The following MACROD2 variants were observed in gnomAD, a reference collection of about 807,000 sequenced individuals.
MACROD2 encodes the protein mono-ADP ribosylhydrolase 2.
In MACROD2, 36 loss-of-function variants were observed where a neutral mutation model predicts 70.4. The ratio of observed to expected loss-of-function variants is 0.51; its 90% CI spans 0.39 to 0.68. The LOEUF (loss-of-function observed/expected upper bound fraction) is 0.68, where lower values mean the gene tolerates loss of function less well. Ranked by LOEUF, MACROD2 falls within the 30% of genes least tolerant of loss-of-function variation. The pLI is 0.00. For synonymous variants in MACROD2, 172 were observed against 178.8 expected (o/e 0.96, Z 0.30); for missense variants, 496 against 538.4 (o/e 0.92, Z 0.78).
At chr20:15,015,406 G>C (rs961358074) in intron 5 of MACROD2, among the ~76,000 whole-genome samples, 1 of 151,098 alleles carries the variant, frequency 6.6e-6, no homozygotes, top group Non-Finnish European at 1.5e-5. Flanking sequence ...ACTGTACTGT[G>C]ACTTTTGAGC....
At chr20:15,946,818 C>T (rs1257981296) in intron 12 of MACROD2, among the ~76,000 whole-genome samples, 14 of 152,152 alleles carry the variant, frequency 9.2e-5, no homozygotes, top group Non-Finnish European at 1.9e-4. Context: ...GCACAGGCAC[C>T]GGTCTCTGAG....
chr20:15,580,101 A>G (rs1027216692), intron 8 of MACROD2, among the ~76,000 whole-genome samples: 2 of 152,198 alleles, frequency 1.3e-5, no homozygotes, highest in Admixed American at 6.5e-5. Context: ...ACAATGGGTG[A>G]CAGTAGTCAT....
intron 8 of MACROD2, among the ~76,000 whole-genome samples, chr20:15,837,807 A>C (rs549102035): frequency 7.9e-5 from 12 of 152,180 alleles, no homozygotes; most frequent in Non-Finnish European, 1.6e-4. Context: ...GCTGATGCTT[A>C]TCCTGTGGTT....
At chr20:15,273,088 T>G (rs1283806181) in intron 6 of MACROD2, among the ~76,000 whole-genome samples, 3 of 152,162 alleles carry the variant, frequency 2.0e-5, no homozygotes, top group African/African-American at 7.2e-5. Flanking sequence ...GGATACAAGG[T>G]ATTGATCCCA....
At chr20:15,649,885 A>G (rs900878194) in intron 8 of MACROD2, among the ~76,000 whole-genome samples, 2 of 152,144 alleles carry the variant, frequency 1.3e-5, no homozygotes, top group Non-Finnish European at 1.5e-5. Context: ...TGAGCAGAAG[A>G]TTTGCTTCTA....
intron 8 of MACROD2, among the ~76,000 whole-genome samples, chr20:15,812,588 G>A (rs912339151): frequency 6.6e-6 from 1 of 151,618 alleles, no homozygotes; most frequent in Non-Finnish European, 1.5e-5. Context: ...AAATACACTC[G>A]TCTCAAAAGT....
intron 5 of MACROD2, among the ~76,000 whole-genome samples, chr20:15,177,210 G>A (rs911645881): frequency 2.6e-5 from 4 of 152,220 alleles, no homozygotes; most frequent in Admixed American, 6.5e-5. Context: ...CCCAGTGGGC[G>A]TGAACAATAC....
At chr20:14,998,711 T>G (rs1219695114) in intron 5 of MACROD2, among the ~76,000 whole-genome samples, 1 of 152,162 alleles carries the variant, frequency 6.6e-6, no homozygotes, top group African/African-American at 2.4e-5. Context: ...GTAGAAAGTT[T>G]ATTTAAAGGG....
At chr20:15,742,949 T>A (rs1439290006) in intron 8 of MACROD2, among the ~76,000 whole-genome samples, 1 of 152,238 alleles carries the variant, frequency 6.6e-6, no homozygotes, top group African/African-American at 2.4e-5. Flanking sequence ...TGTACCTTAT[T>A]AAGTGCCTTG....
At chr20:14,269,306 A>T (rs1455551277) in intron 3 of MACROD2, among the ~76,000 whole-genome samples, 1 of 152,216 alleles carries the variant, frequency 6.6e-6, no homozygotes, top group Non-Finnish European at 1.5e-5. Flanking sequence ...ATGTAAGAAT[A>T]TCTCCAATTT....
At position 15,751,227 on chromosome 20, in the gene MACROD2, T is replaced by C. The variant is rs76948920; in HGVS notation, c.646-111518T>C. 1.8e-3 allele frequency among the ~76,000 whole-genome samples: 275 copies of C among 152,174 alleles called. 7 individuals are homozygous for C. The East Asian group carries it at 0.042, about 23-fold the overall frequency. ...ATCATTTATACCACATGTATATGTA[T>C]CAAAGTGTTAAAATTTACCCCAAAG... On this transcript the variant is annotated intron_variant, in intron 8 of 17. Transcript: ENST00000684519.
intron 6 of MACROD2, among the ~76,000 whole-genome samples, chr20:15,314,538 A>G (rs2077788336): frequency 1.3e-5 from 2 of 152,216 alleles, no homozygotes; most frequent in South Asian, 4.1e-4. Context: ...CCATGTTCCC[A>G]GTGTGAGACC....
At position 15,194,265 on chromosome 20, in the gene MACROD2, A is replaced by AG. The variant is rs1472663208; in HGVS notation, c.419-35675_419-35674insG. On this transcript the variant is annotated intron_variant, in intron 5 of 17. Coordinates refer to ENST00000684519, the MANE Select transcript of MACROD2 (RefSeq NM_001351661.2). ...TGTCTCAAAAAAAAAAAAAAAAAAA[A>AG]AAAAAGCTTCTTCCAGAAATCAGTC... Among the ~76,000 whole-genome samples, 14 of 150,734 alleles carry AG rather than the reference A, an allele frequency of 9.3e-5. No individual in the cohort carries two copies. The East Asian group carries it at 2.7e-3, about 29-fold the overall frequency.
chr20:15,107,667 A>G (rs1020332869), intron 5 of MACROD2, among the ~76,000 whole-genome samples: 1 of 151,952 alleles, frequency 6.6e-6, no homozygotes, highest in Non-Finnish European at 1.5e-5. Context: ...ATACTTTTAC[A>G]GAGATAATAG....
At chr20:15,629,253 T>C (rs1248616128) in intron 8 of MACROD2, among the ~76,000 whole-genome samples, 5 of 152,226 alleles carry the variant, frequency 3.3e-5, no homozygotes, top group Admixed American at 3.3e-4. Flanking sequence ...TTGTTCCACA[T>C]CCACTGTTAA....
At chr20:15,851,241 G>A (rs941430587) in intron 8 of MACROD2, among the ~76,000 whole-genome samples, 1 of 151,498 alleles carries the variant, frequency 6.6e-6, no homozygotes, top group African/African-American at 2.4e-5. Context: ...ACTGTGATCC[G>A]GTCACAGCAA....
At chr20:15,216,563 C>T (rs1468383773) in intron 5 of MACROD2, among the ~76,000 whole-genome samples, 1 of 152,044 alleles carries the variant, frequency 6.6e-6, no homozygotes, top group Admixed American at 6.6e-5. Context: ...GAGTATCTTA[C>T]ATAACAAAAG....
chr20:14,200,159 A>G (rs949952583), intron 3 of MACROD2, among the ~76,000 whole-genome samples: 2 of 152,226 alleles, frequency 1.3e-5, no homozygotes, highest in Non-Finnish European at 2.9e-5. Context: ...GGATAAAGAA[A>G]AATCTGGTAC....
At chr20:15,671,779 C>T (rs1433916436) in intron 8 of MACROD2, among the ~76,000 whole-genome samples, 1 of 152,150 alleles carries the variant, frequency 6.6e-6, no homozygotes, top group Non-Finnish European at 1.5e-5. Context: ...TTTTTGAGTG[C>T]TAACAAGTGA....
Sources: gnomAD v4.1 joint callset for allele counts (sites outside exome capture counted in the v4.1 genomes callset) on GRCh38, gnomAD v4.1.1 for gene constraint, MANE v1.5 for transcripts, NCBI Gene and HGNC (gene_info 2026-07-23, HGNC 2026-07-21) for gene names.